ESYT2: variants seen among roughly 807,000 people sequenced by gnomAD.
ESYT2 encodes extended synaptotagmin-2.
A neutral mutation model predicts 107.2 loss-of-function variants in ESYT2; 54 were observed. The observed-to-expected ratio is 0.50, with a 90% CI of 0.40 to 0.63. The LOEUF (loss-of-function observed/expected upper bound fraction) is 0.63, where lower values mean the gene tolerates loss of function less well. Ranked by LOEUF, ESYT2 falls within the 30% of genes least tolerant of loss-of-function variation. ESYT2 has a pLI of 0.00. For missense variants in ESYT2, 1,020 were observed against 1,094.5 expected, an observed-to-expected ratio of 0.93 and a Z score of 0.96; for synonymous variants, 491 against 434.1, an observed-to-expected ratio of 1.13 and a Z score of -1.63.
intron 1 of ESYT2, among the ~76,000 whole-genome samples, chr7:158,827,152 G>C (rs1840479828): frequency 7.0e-6 from 1 of 143,174 alleles, no homozygotes; most frequent in Non-Finnish European, 1.5e-5. Context: ...AACAGGGAGA[G>C]GCTCTGTCTC....
At chr7:158,768,147 C>G (rs573448687) in intron 7 of ESYT2, among the ~76,000 whole-genome samples, 1 of 152,288 alleles carries the variant, frequency 6.6e-6, no homozygotes, top group East Asian at 1.9e-4. Flanking sequence ...TACTTATTTA[C>G]TAAAATACAC....
At chr7:158,817,495 G>T (rs2602562) in intron 1 of ESYT2, among the ~76,000 whole-genome samples, 20 of 51,266 alleles carry the variant, frequency 3.9e-4, no homozygotes, top group African/African-American at 1.0e-3. Context: ...CTTGCTGAAC[G>T]AATGTACCCG....
intron 7 of ESYT2, among the ~76,000 whole-genome samples, chr7:158,769,613 T>C (rs977963616): frequency 4.6e-5 from 7 of 152,334 alleles, no homozygotes; most frequent in African/African-American, 1.7e-4. Flanking sequence ...ACCATAATCT[T>C]CACCCTTCTT....
intron 3 of ESYT2, 82 bp from the exon 4 acceptor site, chr7:158,793,808 G>A: frequency 2.7e-6 from 3 of 1,091,992 alleles, no homozygotes; most frequent in Non-Finnish European, 4.0e-6. Flanking sequence ...GAGACAAACA[G>A]AACAAGCTTT....
At position 158,755,754 on chromosome 7, in the gene ESYT2, C is replaced by T. The variant is rs545013485; in HGVS notation, c.1420-2911G>A. The stretch of plus-strand genomic sequence containing the variant: ...ATCGCTGTGACTCTGAACAGCTCAC[C>T]TAACCCCTCAGGGTCTTGATTTTCC... On this transcript the variant is annotated intron_variant, in intron 13 of 22. Coordinates refer to ENST00000275418, the MANE Select transcript of ESYT2 (RefSeq NM_001367773.1). Among the ~76,000 whole-genome samples the T allele has an allele frequency of 6.5e-4, 99 of 152,238 alleles. 1 individual carries two copies. Among genetic ancestry groups the T allele is most frequent in the African/African-American group, 2.3e-3 (94 of 41,550 alleles).
intron 1 of ESYT2, among the ~76,000 whole-genome samples, chr7:158,806,704 A>G (rs1839842106): frequency 1.3e-5 from 2 of 152,228 alleles, no homozygotes; most frequent in African/African-American, 4.8e-5. Context: ...AAGAAAGGTC[A>G]CACAATTATT....
chr7:158,820,913 A>G (rs1469526086), intron 1 of ESYT2, among the ~76,000 whole-genome samples: 2 of 152,254 alleles, frequency 1.3e-5, no homozygotes, highest in Non-Finnish European at 2.9e-5. Context: ...CTTGTCTTAC[A>G]CACATTTTGT....
intron 6 of ESYT2, among the ~76,000 whole-genome samples, chr7:158,776,286 A>T (rs2129472680): frequency 6.6e-6 from 1 of 152,352 alleles, no homozygotes; most frequent in African/African-American, 2.4e-5. Context: ...ATTAGCTGTG[A>T]CAAGACAGTT....
chr7:158,783,307 G>A (rs1260486091), intron 6 of ESYT2, among the ~76,000 whole-genome samples: 1 of 152,152 alleles, frequency 6.6e-6, no homozygotes, highest in Non-Finnish European at 1.5e-5. Context: ...TGTGACGGGT[G>A]TGGGTAACGT....
At chr7:158,796,458 T>C (rs1446084839) in intron 3 of ESYT2, among the ~76,000 whole-genome samples, 1 of 152,218 alleles carries the variant, frequency 6.6e-6, no homozygotes. Context: ...GTTTTGTTTT[T>C]TAACATCCCG....
At chr7:158,797,514 G>A (rs1839498956) in intron 3 of ESYT2, among the ~76,000 whole-genome samples, 2 of 151,908 alleles carry the variant, frequency 1.3e-5, no homozygotes, top group South Asian at 4.2e-4. Flanking sequence ...TGAGGCCAGG[G>A]AGGGCAACAT....
intron 11 of ESYT2, 98 bp downstream of exon 11, chr7:158,761,398 C>T (rs1386939590): frequency 5.1e-6 from 5 of 981,438 alleles, no homozygotes; most frequent in Non-Finnish European, 8.1e-6. Context: ...AGGATTCCGG[C>T]ACTGTGTGAT....
rs912659420 is a variant in ESYT2 at position 158,799,023 on chromosome 7, A to C, written c.372+8T>G. ...TGATGGATGGTAGTTGGTATACTCT[A>C]ATCTTACCTTATTTAGCCATTCTGC... On this transcript the variant is annotated splice_region_variant and intron_variant, in intron 2 of 22. Coordinates refer to ENST00000275418, the MANE Select transcript of ESYT2 (RefSeq NM_001367773.1). The C allele has an allele frequency of 2.5e-6, 4 of 1,611,754 alleles. No individual in the cohort carries two copies. Among genetic ancestry groups the C allele is most frequent in the Non-Finnish European group, 3.4e-6 (4 of 1,178,734 alleles).
At chr7:158,788,221 C>A in intron 5 of ESYT2, 124 bp downstream of exon 5, 1 of 1,164,666 alleles carries the variant, frequency 8.6e-7, no homozygotes, top group South Asian at 1.4e-5. Flanking sequence ...CAACTATGAC[C>A]TACAGCTAAA....
chr7:158,820,818 A>C (rs78915111), intron 1 of ESYT2, among the ~76,000 whole-genome samples: 1 of 152,202 alleles, frequency 6.6e-6, no homozygotes, highest in Non-Finnish European at 1.5e-5. Flanking sequence ...ATTGAAAAAA[A>C]CCCACCAATT....
intron 17 of ESYT2, among the ~76,000 whole-genome samples, chr7:158,742,183 C>T (rs972326354): frequency 2.0e-5 from 3 of 152,160 alleles, no homozygotes; most frequent in Admixed American, 1.3e-4. Flanking sequence ...CTCAAGAGAT[C>T]CTCCCGCCTC....
intron 13 of ESYT2, 133 bp from the exon 14 acceptor site, chr7:158,752,976 C>T (rs999767772): frequency 6.6e-6 from 3 of 454,330 alleles, no homozygotes; most frequent in South Asian, 2.1e-5. Flanking sequence ...CAGAATTACA[C>T]AAACAACCAA....
Position 158,788,333 on chromosome 7 carries a change from C to T in ESYT2, c.657+12G>A, listed in dbSNP as rs771155167. 4.4e-6 allele frequency: 7 copies of T among 1,593,412 alleles called. No individual in the cohort carries two copies. Among genetic ancestry groups the T allele is most frequent in the Non-Finnish European group, 6.0e-6 (7 of 1,173,994 alleles). On this transcript the variant is annotated intron_variant, in intron 5 of 22. Transcript: ENST00000275418. The stretch of plus-strand genomic sequence containing the variant: ...AAACTGTCAAATTAAAACAAAAAAA[C>T]AAAAAACTTACCTGGATACTTTTCA...
chr7:158,824,249 C>T (rs1468458334), intron 1 of ESYT2, among the ~76,000 whole-genome samples: 2 of 152,136 alleles, frequency 1.3e-5, no homozygotes, highest in Admixed American at 6.5e-5. Context: ...TCTGCAGCTA[C>T]GATGAGGACT....
Sources: gnomAD v4.1 joint callset for allele counts (sites outside exome capture counted in the v4.1 genomes callset) on GRCh38, gnomAD v4.1.1 for gene constraint, MANE v1.5 for transcripts, NCBI Gene and HGNC (gene_info 2026-07-23, HGNC 2026-07-21) for gene names.